Variants in CSMD1 observed in about 807,000 individuals in gnomAD.
The protein encoded by CSMD1 is CUB and sushi domain-containing protein 1.
A neutral mutation model predicts 417.5 loss-of-function variants in CSMD1; 213 were observed. The ratio of observed to expected loss-of-function variants is 0.51; its 90% confidence interval spans 0.46 to 0.57. CSMD1 has a LOEUF of 0.57. CSMD1 is among the 20% of genes least tolerant of loss of function. The probability of loss-of-function intolerance (pLI) is 0.00; values close to 1 mark genes in which losing one functional copy is unlikely to be tolerated. For missense variants in CSMD1, 6,923 were observed against 4,529.7 expected (o/e 1.53, Z -15.17); for synonymous variants, 2,862 against 1,736.8 (o/e 1.65, Z -16.11).
At chr8:3,036,083 A>C (rs1359402137) in intron 50 of CSMD1, among the ~76,000 whole-genome samples, 1 of 152,218 alleles carries the variant, frequency 6.6e-6, no homozygotes, top group Non-Finnish European at 1.5e-5. Flanking sequence ...AGTCCTGTGC[A>C]TAAAAGACAC....
rs1797365062 is a variant in CSMD1, at chr8:3,207,431, C to A, written c.4868-1811G>T. On this transcript the variant is annotated intron_variant, in intron 30 of 69. Transcript: ENST00000635120. ...GTGCTGGGATTACAAACGTGAGCCA[C>A]TGAGTCCGGCCACAATGGCAATTTT... 2.6e-5 allele frequency among the ~76,000 whole-genome samples: 4 copies of A among 151,966 alleles called. No individual in the cohort carries two copies. In the South Asian group the frequency reaches 8.3e-4, roughly 32 times the overall value.
chr8:4,278,832 A>T (rs1457832651), intron 3 of CSMD1, among the ~76,000 whole-genome samples: 1 of 152,192 alleles, frequency 6.6e-6, no homozygotes, highest in Non-Finnish European at 1.5e-5. Context: ...GAGTATTTAT[A>T]GGAAAAACAC....
At chr8:2,952,788 G>T (rs1215813605) in intron 65 of CSMD1, among the ~76,000 whole-genome samples, 2 of 152,130 alleles carry the variant, frequency 1.3e-5, no homozygotes, top group African/African-American at 4.8e-5. Flanking sequence ...ACAGGAATGG[G>T]CCAGGCCTGG....
intron 65 of CSMD1, 91 bp from the exon 66 acceptor site, chr8:2,951,366 G>A: frequency 7.5e-7 from 1 of 1,326,038 alleles, no homozygotes; most frequent in African/African-American, 1.5e-5. Context: ...ATACTGCTTA[G>A]CGAGCGATCA....
intron 5 of CSMD1, among the ~76,000 whole-genome samples, chr8:3,916,761 G>C (rs111839021): frequency 6.6e-6 from 1 of 152,090 alleles, no homozygotes; most frequent in African/African-American, 2.4e-5. Flanking sequence ...AAACTAGAGA[G>C]AGAAAAAATA....
At chr8:4,767,080 A>G (rs968707144) in intron 1 of CSMD1, among the ~76,000 whole-genome samples, 1 of 152,230 alleles carries the variant, frequency 6.6e-6, no homozygotes, top group African/African-American at 2.4e-5. Context: ...TCTAAAGTAC[A>G]AATCCTCCCA....
At chr8:3,734,274 T>C (rs533068081) in intron 6 of CSMD1, among the ~76,000 whole-genome samples, 2 of 152,350 alleles carry the variant, frequency 1.3e-5, no homozygotes, top group African/African-American at 4.8e-5. Flanking sequence ...CATCTCCCAG[T>C]GTCTCCCTAG....
chr8:3,272,273 C>G (rs925785942), intron 26 of CSMD1, among the ~76,000 whole-genome samples: 3 of 144,276 alleles, frequency 2.1e-5, no homozygotes, highest in Non-Finnish European at 3.1e-5. Flanking sequence ...GGGCTCTGTT[C>G]TATTCCATTG....
At chr8:3,258,266 C>T (rs143885520) in intron 26 of CSMD1, among the ~76,000 whole-genome samples, 30 of 152,206 alleles carry the variant, frequency 2.0e-4, no homozygotes, top group Middle Eastern at 3.4e-3. Flanking sequence ...AAAACAACCC[C>T]ATTAAAACAT....
chr8:4,244,326 T>C (rs1802571937), intron 3 of CSMD1, among the ~76,000 whole-genome samples: 1 of 152,166 alleles, frequency 6.6e-6, no homozygotes, highest in African/African-American at 2.4e-5. Context: ...CCTGAAACTT[T>C]GCCTGGAGCT....
chr8:3,691,483 A>G (rs1054378657), intron 7 of CSMD1, among the ~76,000 whole-genome samples: 1 of 152,232 alleles, frequency 6.6e-6, no homozygotes, highest in Non-Finnish European at 1.5e-5. Context: ...TTCTATTTCA[A>G]TGTTTCACTG....
At chr8:3,396,048 C>G (rs1811672889) in intron 17 of CSMD1, 146 bp downstream of exon 17, 1 of 648,358 alleles carries the variant, frequency 1.5e-6, no homozygotes, top group Non-Finnish European at 2.6e-6. Context: ...ACAGAAAGTT[C>G]TTACAATTGC....
chr8:4,314,799 A>G (rs770038035), intron 3 of CSMD1, among the ~76,000 whole-genome samples: 3 of 152,218 alleles, frequency 2.0e-5, no homozygotes, highest in Non-Finnish European at 4.4e-5. Flanking sequence ...GCATTTATGA[A>G]TAAAGACCAC....
chr8:4,788,588 G>C (rs924321797), intron 1 of CSMD1: 9 of 1,206,876 alleles, frequency 7.5e-6, no homozygotes, highest in Non-Finnish European at 1.2e-6. Flanking sequence ...TAATTTATAA[G>C]AAACAATGCC....
intron 46 of CSMD1, among the ~76,000 whole-genome samples, chr8:3,098,736 T>C (rs548291967): frequency 5.3e-5 from 8 of 152,268 alleles, no homozygotes; most frequent in African/African-American, 1.9e-4. Context: ...CGTGCCTGTG[T>C]ATATCTGTGC....
intron 2 of CSMD1, among the ~76,000 whole-genome samples, chr8:4,616,967 CTTT>C (rs879830356): frequency 9.0e-5 from 5 of 55,682 alleles, no homozygotes; most frequent in Non-Finnish European, 2.1e-4. Flanking sequence ...AAGCAGATTT[CTTT>C]TTTTTACCTA....
At chr8:4,697,233 G>C (rs895631234) in intron 1 of CSMD1, among the ~76,000 whole-genome samples, 10 of 151,928 alleles carry the variant, frequency 6.6e-5, no homozygotes, top group Non-Finnish European at 8.8e-5. Flanking sequence ...TTTGATTCTA[G>C]AACAGAACCT....
intron 2 of CSMD1, among the ~76,000 whole-genome samples, chr8:4,606,304 A>G (rs1159835511): frequency 6.6e-6 from 1 of 152,156 alleles, no homozygotes; most frequent in Non-Finnish European, 1.5e-5. Context: ...GAGTCTGTTT[A>G]TAAATGATTT....
chr8:4,723,076 G>C (rs1055208052), intron 1 of CSMD1, among the ~76,000 whole-genome samples: 3 of 152,084 alleles, frequency 2.0e-5, no homozygotes, highest in Non-Finnish European at 4.4e-5. Context: ...AGTGAATAGA[G>C]GTCAGCTTTC....
Sources: allele counts gnomAD v4.1 joint callset (sites outside exome capture counted in the v4.1 genomes callset), GRCh38; gene constraint gnomAD v4.1.1; transcripts MANE v1.5; gene names NCBI Gene and HGNC (gene_info 2026-07-23, HGNC 2026-07-21).